Variants in C5AR2 observed in about 807,000 individuals in gnomAD.
C5AR2 encodes complement C5a receptor 2.
For synonymous variants in C5AR2, 224 were observed against 216.5 expected (o/e 1.03, Z -0.30); for missense variants, 458 against 467.5 (o/e 0.98, Z 0.19).
rs922039822 is a variant in C5AR2 at position 47,347,081 on chromosome 19, G to A, written c.*5268G>A. On this transcript the variant is annotated 3_prime_UTR_variant, in exon 2 of 2. Coordinates refer to ENST00000595464, the MANE Select transcript of C5AR2 (RefSeq NM_001271749.2). Reference sequence around the variant, plus strand: ...TACCTTTGATTATTAAAAGCCATCTGTTTTGCTATAACTTCCCTTTTTTGT... The same window carrying A: ...TACCTTTGATTATTAAAAGCCATCTATTTTGCTATAACTTCCCTTTTTTGT... 2.0e-5 allele frequency: 3 copies of A among 152,096 alleles called. No homozygotes were observed. Among genetic ancestry groups the A allele is most frequent in the Non-Finnish European group, 2.9e-5 (2 of 68,022 alleles). 9.4% of individuals were successfully genotyped at this position (152,096 alleles called of 1,614,324 possible).
intron 1 of C5AR2, among the ~76,000 whole-genome samples, chr19:47,335,137 C>T (rs757011259): frequency 6.6e-6 from 1 of 151,612 alleles, no homozygotes; most frequent in African/African-American, 2.4e-5. Flanking sequence ...TCAAGTGATC[C>T]GTCTGCCTAG....
rs1969118327 is a variant in C5AR2 at position 47,346,283 on chromosome 19, A to G, written c.*4470A>G. 1 of 149,888 alleles carries G rather than the reference A, an allele frequency of 6.7e-6. No individual in the cohort carries two copies. Among genetic ancestry groups the G allele is most frequent in the South Asian group, 2.1e-4 (1 of 4,822 alleles). 9.3% of individuals were successfully genotyped at this position (149,888 alleles called of 1,614,324 possible). A position where few individuals can be genotyped will look rare whatever the true frequency, so the allele number is the denominator to read the frequency against. ...AGGAGTTACTGCCCCTTCCCATGGC[A>G]ATGACCCCATGACCCAGAAGTTACT... On this transcript the variant is annotated 3_prime_UTR_variant, in exon 2 of 2. Coordinates refer to ENST00000595464, the MANE Select transcript of C5AR2 (RefSeq NM_001271749.2).
rs918888237 is a variant in C5AR2, at chr19:47,343,555, C to G, written c.*1742C>G. 6.6e-6 allele frequency: 1 copy of G among 152,224 alleles called. No individual in the cohort carries two copies. Among genetic ancestry groups the G allele is most frequent in the East Asian group, 1.9e-4 (1 of 5,190 alleles). The allele number at this position is 152,224 out of a possible 1,614,324, so 9.4% of individuals were successfully genotyped here. A position where few individuals can be genotyped will look rare whatever the true frequency, so the allele number is the denominator to read the frequency against. On this transcript the variant is annotated 3_prime_UTR_variant, in exon 2 of 2. Transcript: ENST00000595464. ...GCCTGGTGGCTCCTGCCTATAATCT[C>G]AGCACTTTGGGAGGCCGAGGTGGGA...
chr19:47,340,780 CCCAGACA>C lies in C5AR2; in HGVS notation c.-15_-9del. The C allele has an allele frequency of 3.7e-6, 6 of 1,612,570 alleles. No individual in the cohort carries two copies. In the South Asian group the frequency reaches 6.6e-5, roughly 18 times the overall value. Reference sequence around the variant, plus strand: ...GAGTTTTCATCGTCTTTCTCTCCTGCCCAGACACCAGGAGCCTGAATGGGGAACGATT... The same window carrying C: ...GAGTTTTCATCGTCTTTCTCTCCTGCCCAGGAGCCTGAATGGGGAACGATT... On this transcript the variant is annotated splice_acceptor_variant and splice_polypyrimidine_tract_variant and 5_prime_UTR_variant and intron_variant, in exon 2 of 2. Transcript: ENST00000595464. LOFTEE classifies it low-confidence loss of function (5UTR_SPLICE).
Position 47,341,403 on chromosome 19 carries a change from G to T in C5AR2, c.604G>T (p.Ala202Ser). The T allele has an allele frequency of 6.2e-7, 1 of 1,612,586 alleles. No homozygotes were observed. ...GSSSTENAVT[A>S]IRFLFGFLGP... ...CTCCAGCACCGAGAATGCGGTGACT[G>T]CCATCCGGTTTCTTTTTGGCTTCCT... The change falls in exon 2 of 2, where the codon GCC becomes TCC. Residue 202 changes from alanine to serine, a missense_variant. Physicochemically the swap from Ala to Ser is moderately conservative, Grantham distance 99. Transcript: ENST00000595464. This position sits in a 1 kb window ranked among gnomAD's most constrained non-coding sequence, Gnocchi z 4.6.
rs148979920 is a variant in C5AR2 at position 47,338,329 on chromosome 19, C to A, written c.-15-2456C>A. ...AGGTGTGGTGGTGCACACCTGTAGTCCCACGTACTCAGGAGGCTGAGGTGG... is the reference window on the plus strand; with the variant it reads ...AGGTGTGGTGGTGCACACCTGTAGTACCACGTACTCAGGAGGCTGAGGTGG... On this transcript the variant is annotated intron_variant, in intron 1 of 1. Coordinates refer to ENST00000595464, the MANE Select transcript of C5AR2 (RefSeq NM_001271749.2). Among the ~76,000 whole-genome samples, 8 of 150,892 alleles carry A rather than the reference C, an allele frequency of 5.3e-5. No homozygotes were observed. In the East Asian group the frequency reaches 1.6e-3, roughly 29 times the overall value.
chr19:47,335,798 A>AAAAAAAAC (rs2059355285), intron 1 of C5AR2, among the ~76,000 whole-genome samples: 2 of 137,576 alleles, frequency 1.5e-5, no homozygotes, highest in Non-Finnish European at 1.5e-5. Context: ...AAAAAAAAAA[A>AAAAAAAAC]AAAAGAAAGT....
intron 1 of C5AR2, among the ~76,000 whole-genome samples, chr19:47,337,577 G>A (rs948098499): frequency 1.3e-5 from 2 of 151,626 alleles, no homozygotes; most frequent in South Asian, 2.1e-4. Context: ...CGGGAGAATT[G>A]CTTGAACCCT....
chr19:47,337,956 C>T (rs897568099), intron 1 of C5AR2, among the ~76,000 whole-genome samples: 13 of 151,664 alleles, frequency 8.6e-5, no homozygotes, highest in African/African-American at 3.2e-4. Context: ...CGCCTGTAAT[C>T]CCAGCTACTC....
At position 47,341,613 on chromosome 19, in the gene C5AR2, G is replaced by T. The variant is rs757539160; in HGVS notation, c.814G>T (p.Ala272Ser). 2 of 1,613,954 alleles carry T rather than the reference G, an allele frequency of 1.2e-6. No homozygotes were observed. Among genetic ancestry groups the T allele is most frequent in the South Asian group, 2.2e-5 (2 of 91,088 alleles). The change falls in exon 2 of 2, where the codon GCT becomes TCT. Residue 272 changes from alanine (A) to serine (S), a missense_variant. Physicochemically the swap from Ala to Ser is moderately conservative, Grantham distance 99. Transcript: ENST00000595464. This position sits in a 1 kb window ranked among gnomAD's most constrained non-coding sequence, Gnocchi z 4.6. ...CGCACTCCTGGCCAGGGCCCTGCGG[G>T]CTGAACCCCTCATCGTGGGCCTTGC... is the stretch of plus-strand genomic sequence containing the variant. Reference protein sequence around the residue: ...NSALLARALRAEPLIVGLALA... With the variant: ...NSALLARALRSEPLIVGLALA...
rs201067626 is a variant in C5AR2 at position 47,341,306 on chromosome 19, C to T, written c.507C>T (p.Ser169=). 8.3e-5 allele frequency: 134 copies of T among 1,609,370 alleles called. No homozygotes were observed. The highest frequency in any genetic ancestry group is 2.1e-4 in the South Asian group (19 of 91,082). ...TGGCCTTGCTGCTCACCGTGCCCTC[C>T]GCCATCTACCGCCGGCTGCACCAGG... ...WTLALLLTVP[S]AIYRRLHQEH... is the part of the protein sequence containing the mutation. The change falls in exon 2 of 2, where the codon TCC becomes TCT. Residue 169 remains serine (S), a synonymous_variant. Coordinates refer to ENST00000595464, the MANE Select transcript of C5AR2 (RefSeq NM_001271749.2). The surrounding 1 kb of genome is among the most constrained non-coding windows in gnomAD (Gnocchi z 4.6).
chr19:47,335,771 CAAAAAAAAAAAAAA>C (rs768761019), intron 1 of C5AR2, among the ~76,000 whole-genome samples: 1 of 23,030 alleles, frequency 4.3e-5, no homozygotes, highest in Non-Finnish European at 6.8e-5. Context: ...TACTCCGTCT[CAAAAAAAAAAAAAA>C]AAAAAAAAAA....
Position 47,341,626 on chromosome 19 carries a change from T to A in C5AR2, c.827T>A (p.Ile276Asn). Residue 276 changes from isoleucine (I) to asparagine (N), a missense_variant, in exon 2 of 2, where the codon ATC (isoleucine) becomes AAC (asparagine). Coordinates refer to ENST00000595464, the MANE Select transcript of C5AR2 (RefSeq NM_001271749.2). This position sits in a 1 kb window ranked among gnomAD's most constrained non-coding sequence, Gnocchi z 4.6. Reference sequence around the variant, plus strand: ...AGGGCCCTGCGGGCTGAACCCCTCATCGTGGGCCTTGCCCTCGCTCACAGC... The same window carrying A: ...AGGGCCCTGCGGGCTGAACCCCTCAACGTGGGCCTTGCCCTCGCTCACAGC... ...LARALRAEPL[I>N]VGLALAHSCL... 6.2e-7 allele frequency: 1 copy of A among 1,614,012 alleles called. No individual in the cohort carries two copies. Among genetic ancestry groups the A allele is most frequent in the Non-Finnish European group, 8.5e-7 (1 of 1,179,992 alleles).
intron 1 of C5AR2, among the ~76,000 whole-genome samples, chr19:47,336,214 C>T (rs1028074981): frequency 1.3e-5 from 2 of 151,390 alleles, no homozygotes; most frequent in Non-Finnish European, 2.9e-5. Flanking sequence ...CTCAGTCTCC[C>T]GAGTAGCTGG....
Position 47,341,782 on chromosome 19 carries a change from G to A in C5AR2, c.983G>A (p.Ser328Asn). The change falls in exon 2 of 2, where the codon AGC (serine) becomes AAC (asparagine). Residue 328 changes from serine (S) to asparagine (N), a missense_variant. By Grantham distance (46) the Ser-to-Asn change is conservative (BLOSUM62 1). Transcript: ENST00000595464. This position sits in a 1 kb window ranked among gnomAD's most constrained non-coding sequence, Gnocchi z 4.6. ...AGTGTGGACAGCAAGAAATCCACCA[G>A]CCATGACCTGGTCTCGGAGATGGAG... ...DESVDSKKST[S>N]HDLVSEMEV 1 of 1,613,658 alleles carries A rather than the reference G, an allele frequency of 6.2e-7. No homozygotes were observed. Among genetic ancestry groups the A allele is most frequent in the Non-Finnish European group, 8.5e-7 (1 of 1,179,986 alleles).
At position 47,337,034 on chromosome 19, in the gene C5AR2, G is replaced by A. The variant is rs985643225; in HGVS notation, c.-15-3751G>A. Reference sequence around the variant, plus strand: ...TAGTCAGCAGAGAGCCTCAGGGCCAGGTCACTCTGACATTGTGGGGGTGGG... The same window carrying A: ...TAGTCAGCAGAGAGCCTCAGGGCCAAGTCACTCTGACATTGTGGGGGTGGG... On this transcript the variant is annotated intron_variant, in intron 1 of 1. Transcript: ENST00000595464. 52 of 129,296 alleles carry A rather than the reference G, an allele frequency of 4.0e-4. 1 individual carries two copies. The highest frequency in any genetic ancestry group is 1.5e-3 in the African/African-American group (52 of 34,564). 8.0% of individuals were successfully genotyped at this position (129,296 alleles called of 1,614,324 possible). A position where few individuals can be genotyped will look rare whatever the true frequency, so the allele number is the denominator to read the frequency against.
intron 1 of C5AR2, 45 bp from the exon 2 acceptor site, chr19:47,340,739 TG>T: frequency 6.3e-7 from 1 of 1,586,036 alleles, no homozygotes; most frequent in Non-Finnish European, 8.6e-7. Flanking sequence ...TCCAGGGCCA[TG>T]GAGTTTCCTC....
intron 1 of C5AR2, among the ~76,000 whole-genome samples, chr19:47,338,823 C>A (rs1197126735): frequency 5.9e-5 from 9 of 151,514 alleles, no homozygotes; most frequent in Non-Finnish European, 1.3e-4. Flanking sequence ...GGCTACAGAG[C>A]CAGACCCTGT....
intron 1 of C5AR2, among the ~76,000 whole-genome samples, chr19:47,333,727 C>G (rs2059347518): frequency 6.6e-6 from 1 of 151,768 alleles, no homozygotes; most frequent in African/African-American, 2.4e-5. Context: ...TACAGGCGCC[C>G]GCCACCGCGC....
Sources: gnomAD v4.1 joint callset for allele counts (sites outside exome capture counted in the v4.1 genomes callset) on GRCh38, gnomAD v4.1.1 for gene constraint, Gnocchi (gnomAD v3.1) non-coding constraint, MANE v1.5 for transcripts, NCBI Gene and HGNC (gene_info 2026-07-23, HGNC 2026-07-21) for gene names.